Variants in RBFOX1 observed in about 807,000 individuals in gnomAD.
The protein encoded by RBFOX1 is RNA binding protein fox-1 homolog 1.
A neutral mutation model predicts 57.7 loss-of-function variants in RBFOX1; 8 were observed. The observed-to-expected ratio is 0.14, with a 90% CI of 0.08 to 0.25. RBFOX1 has a LOEUF of 0.25. Among genes scored for constraint, RBFOX1 ranks in the 10% least tolerant of loss-of-function variants. The pLI is 1.00. For missense variants in RBFOX1, 611 were observed against 548.5 expected (o/e 1.11, Z -1.14); for synonymous variants, 326 against 222.4 (o/e 1.47, Z -4.15).
chr16:5,859,095 C>G (rs549719585), intron 3 of RBFOX1, among the ~76,000 whole-genome samples: 4 of 152,148 alleles, frequency 2.6e-5, no homozygotes, highest in African/African-American at 9.7e-5. Context: ...GTCCCAGCTA[C>G]TTGGGAGACT....
chr16:6,977,718 T>A (rs9940176), intron 3 of RBFOX1, among the ~76,000 whole-genome samples: 1 of 151,778 alleles, frequency 6.6e-6, no homozygotes, highest in East Asian at 1.9e-4. Flanking sequence ...TGAATTGAAA[T>A]TGTGGGTGGA....
chr16:6,375,792 C>G (rs2091098300), intron 2 of RBFOX1, among the ~76,000 whole-genome samples: 1 of 152,128 alleles, frequency 6.6e-6, no homozygotes, highest in African/African-American at 2.4e-5. Flanking sequence ...CAAAGGGTAT[C>G]CATGATGAAC....
intron 3 of RBFOX1, among the ~76,000 whole-genome samples, chr16:6,924,169 A>AAATAATAATAAT (rs34239520): frequency 7.4e-4 from 109 of 146,740 alleles, no homozygotes; most frequent in Non-Finnish European, 9.5e-4. Context: ...TCTGTCTCAA[A>AAATAATAATAAT]AATAATAATA....
At chr16:5,243,241 G>C (rs2062212999) in intron 1 of RBFOX1, among the ~76,000 whole-genome samples, 1 of 152,116 alleles carries the variant, frequency 6.6e-6, no homozygotes, top group African/African-American at 2.4e-5. Context: ...CCCAAGACCA[G>C]GCACCTCGGC....
rs1039987232 is a variant in RBFOX1, at chr16:6,750,490, C to G, written c.-16+95840C>G. On this transcript the variant is annotated intron_variant, in intron 3 of 15. Coordinates refer to ENST00000550418, the MANE Select transcript of RBFOX1 (RefSeq NM_018723.4). The stretch of plus-strand genomic sequence containing the variant: ...AAAATTCAAGTTTAATATTTCTTGA[C>G]ATATGTTTCTTGATACGCTGTTAAC... 3.9e-5 allele frequency among the ~76,000 whole-genome samples: 6 copies of G among 152,308 alleles called. No individual in the cohort carries two copies. The South Asian group carries it at 8.3e-4, about 21-fold the overall frequency.
chr16:6,056,292 G>T, intron 1 of RBFOX1, among the ~76,000 whole-genome samples: 1 of 152,082 alleles, frequency 6.6e-6, no homozygotes, highest in East Asian at 1.9e-4. Context: ...AGCTGTCAAC[G>T]ATATTGTCTT....
At chr16:6,806,468 C>T (rs1163008206) in intron 3 of RBFOX1, among the ~76,000 whole-genome samples, 3 of 151,940 alleles carry the variant, frequency 2.0e-5, no homozygotes. Context: ...TAAATAATTT[C>T]AGAAAGTATC....
At chr16:5,580,019 C>G (rs559937858) in intron 2 of RBFOX1, among the ~76,000 whole-genome samples, 1 of 152,334 alleles carries the variant, frequency 6.6e-6, no homozygotes, top group African/African-American at 2.4e-5. Flanking sequence ...GATGCACCCA[C>G]CTTGGCCTCC....
chr16:5,508,234 C>T (rs1023491000), intron 2 of RBFOX1, among the ~76,000 whole-genome samples: 5 of 152,090 alleles, frequency 3.3e-5, no homozygotes, highest in African/African-American at 4.8e-5. Context: ...TTGGCCAGGG[C>T]GAGGGTCTCA....
intron 1 of RBFOX1, among the ~76,000 whole-genome samples, chr16:6,087,084 A>G (rs562442020): frequency 6.6e-6 from 1 of 152,332 alleles, no homozygotes; most frequent in East Asian, 1.9e-4. Flanking sequence ...AGGAAAAGAG[A>G]CAAATTTGAC....
intron 1 of RBFOX1, among the ~76,000 whole-genome samples, chr16:5,284,756 A>ATTTT (rs1166998032): frequency 2.3e-4 from 14 of 61,032 alleles, no homozygotes; most frequent in African/African-American, 8.0e-4. Context: ...TTTGGCTTAG[A>ATTTT]TTTTTTTTTT....
At chr16:6,650,985 C>T (rs963700400) in intron 2 of RBFOX1, among the ~76,000 whole-genome samples, 1 of 152,200 alleles carries the variant, frequency 6.6e-6, no homozygotes, top group African/African-American at 2.4e-5. Flanking sequence ...TTACTGCATC[C>T]TCCGCCTTCC....
At position 6,957,982 on chromosome 16, in the gene RBFOX1, C is replaced by T. The variant is rs145105223; in HGVS notation, c.-15-94075C>T. 9.7e-4 allele frequency among the ~76,000 whole-genome samples: 148 copies of T among 152,204 alleles called. 2 individuals are homozygous for T. The highest frequency in any genetic ancestry group is 3.4e-3 in the Middle Eastern group (1 of 294). On this transcript the variant is annotated intron_variant, in intron 3 of 15. Coordinates refer to ENST00000550418, the MANE Select transcript of RBFOX1 (RefSeq NM_018723.4). Reference sequence around the variant, plus strand: ...GCATATTCTCTTGGTTACACAGGACCAGCTCCTGCATAGGGTGGGAAGGGA... The same window carrying T: ...GCATATTCTCTTGGTTACACAGGACTAGCTCCTGCATAGGGTGGGAAGGGA...
intron 3 of RBFOX1, among the ~76,000 whole-genome samples, chr16:6,914,346 A>C: frequency 6.6e-6 from 1 of 152,176 alleles, no homozygotes; most frequent in Admixed American, 6.5e-5. Context: ...TCTGGGCTTA[A>C]ATTACAGGGT....
rs140730470 is a variant in RBFOX1, at chr16:6,608,681, A to G, written c.-63-45922A>G. Among the ~76,000 whole-genome samples the G allele has an allele frequency of 1.7e-3, 253 of 152,324 alleles. 3 individuals carry two copies. Among genetic ancestry groups the G allele is most frequent in the Admixed American group, 3.3e-3 (50 of 15,300 alleles). On this transcript the variant is annotated intron_variant, in intron 2 of 15. Transcript: ENST00000550418. ...TGTGGTCTCAGGAGGGTGAGGTAGA[A>G]GGATGACTTGGGTCCAGGAGTTTGA...
At chr16:7,691,488 A>AGG in intron 14 of RBFOX1, among the ~76,000 whole-genome samples, 1 of 152,014 alleles carries the variant, frequency 6.6e-6, no homozygotes, top group Middle Eastern at 3.2e-3. Flanking sequence ...AAAGAGGAAG[A>AGG]AAGGAGGAAG....
chr16:6,467,353 CT>C (rs1280899554), intron 2 of RBFOX1, among the ~76,000 whole-genome samples: 3 of 151,740 alleles, frequency 2.0e-5, no homozygotes, highest in Non-Finnish European at 4.4e-5. Context: ...ACACCAGGAC[CT>C]TAGTTTACAT....
chr16:6,259,690 G>T (rs2097689907), intron 1 of RBFOX1, among the ~76,000 whole-genome samples: 1 of 152,142 alleles, frequency 6.6e-6, no homozygotes, highest in Admixed American at 6.5e-5. Flanking sequence ...GGGTGCAGTG[G>T]CTTATGCCTG....
intron 3 of RBFOX1, among the ~76,000 whole-genome samples, chr16:5,790,182 T>A (rs2151728544): frequency 6.6e-6 from 1 of 152,296 alleles, no homozygotes; most frequent in African/African-American, 2.4e-5. Flanking sequence ...GACCTGAAAG[T>A]GACAAATAGC....
Sources: gnomAD v4.1 joint callset for allele counts (sites outside exome capture counted in the v4.1 genomes callset) on GRCh38, gnomAD v4.1.1 for gene constraint, MANE v1.5 for transcripts, NCBI Gene and HGNC (gene_info 2026-07-23, HGNC 2026-07-21) for gene names.